The following SPOCK3 variants were observed in gnomAD, a reference collection of about 807,000 sequenced individuals.
SPOCK3 encodes the protein testican-3.
A neutral mutation model predicts 56.6 loss-of-function variants in SPOCK3; 30 were observed. The ratio of observed to expected loss-of-function variants is 0.53; its 90% confidence interval spans 0.40 to 0.72. The LOEUF (loss-of-function observed/expected upper bound fraction) is 0.72, where lower values mean the gene tolerates loss of function less well. SPOCK3 is among the 30% of genes least tolerant of loss of function. SPOCK3 has a pLI of 0.00. For missense variants in SPOCK3, 527 were observed against 530.0 expected (o/e 0.99, Z 0.06); for synonymous variants, 196 against 183.3 (o/e 1.07, Z -0.56).
At chr4:167,071,625 T>C (rs1198710358) in intron 2 of SPOCK3, among the ~76,000 whole-genome samples, 1 of 128,914 alleles carries the variant, frequency 7.8e-6, no homozygotes, top group Non-Finnish European at 1.7e-5. Context: ...CACATTTTCT[T>C]AATCCAGTTG....
Position 166,741,977 on chromosome 4 carries a change from A to G in SPOCK3, c.994+20T>C. The G allele has an allele frequency of 6.4e-7, 1 of 1,570,304 alleles. No individual in the cohort carries two copies. The highest frequency in any genetic ancestry group is 8.8e-7 in the Non-Finnish European group (1 of 1,141,710). ...TTTATGTAAGCAATAAAGCCTTCAG[A>G]AGAATGATCTATTACTCACCTAGGA... is the stretch of plus-strand genomic sequence containing the variant. On this transcript the variant is annotated intron_variant, in intron 9 of 10. Coordinates refer to ENST00000357545, the MANE Select transcript of SPOCK3 (RefSeq NM_001040159.2).
chr4:166,881,790 A>G (rs1283104643), intron 6 of SPOCK3, among the ~76,000 whole-genome samples: 1 of 152,140 alleles, frequency 6.6e-6, no homozygotes, highest in Non-Finnish European at 1.5e-5. Context: ...GTGTGATGCT[A>G]AACTTCAAAT....
intron 4 of SPOCK3, among the ~76,000 whole-genome samples, chr4:166,914,519 C>G (rs928101491): frequency 1.3e-5 from 2 of 151,966 alleles, no homozygotes; most frequent in African/African-American, 4.8e-5. Flanking sequence ...GCCTGTAATC[C>G]CAGTGCTGTG....
intron 2 of SPOCK3, among the ~76,000 whole-genome samples, chr4:167,156,513 C>G (rs1764831333): frequency 6.6e-6 from 1 of 152,032 alleles, no homozygotes; most frequent in South Asian, 2.1e-4. Flanking sequence ...TTTTGTAGTT[C>G]AGGCATGTGA....
rs146787332 is a variant in SPOCK3 at position 166,781,509 on chromosome 4, T to G, written c.709+10661A>C. Among the ~76,000 whole-genome samples the G allele has an allele frequency of 3.3e-5, 5 of 152,062 alleles. No individual in the cohort carries two copies. The South Asian group carries it at 1.0e-3, about 32-fold the overall frequency. ...GGAGTAGGAGGAAAACAGAACTTAATAGAGCTGTGGTTATTATCAAACAAT... is the reference window on the plus strand; with the variant it reads ...GGAGTAGGAGGAAAACAGAACTTAAGAGAGCTGTGGTTATTATCAAACAAT... On this transcript the variant is annotated intron_variant, in intron 7 of 10. Transcript: ENST00000357545.
At chr4:166,845,408 A>G (rs1343639810) in intron 6 of SPOCK3, among the ~76,000 whole-genome samples, 3 of 152,222 alleles carry the variant, frequency 2.0e-5, no homozygotes. Flanking sequence ...GTACAAAAAA[A>G]CTACAAATCT....
At chr4:166,916,151 A>G (rs1429054577) in intron 4 of SPOCK3, among the ~76,000 whole-genome samples, 1 of 152,132 alleles carries the variant, frequency 6.6e-6, no homozygotes, top group Non-Finnish European at 1.5e-5. Flanking sequence ...AGCAAATTGA[A>G]TAACATATAA....
intron 2 of SPOCK3, among the ~76,000 whole-genome samples, chr4:167,114,872 T>C (rs891148196): frequency 6.6e-6 from 1 of 151,396 alleles, no homozygotes; most frequent in Non-Finnish European, 1.5e-5. Flanking sequence ...ATACTAAGAC[T>C]CCAGCATTCA....
intron 4 of SPOCK3, among the ~76,000 whole-genome samples, chr4:166,952,888 A>G (rs1742856888): frequency 6.6e-6 from 1 of 151,742 alleles, no homozygotes; most frequent in Non-Finnish European, 1.5e-5. Context: ...CATATGTAGA[A>G]GGCTGAAACT....
chr4:166,920,675 C>T (rs1270117048), intron 4 of SPOCK3, among the ~76,000 whole-genome samples: 1 of 152,070 alleles, frequency 6.6e-6, no homozygotes, highest in East Asian at 1.9e-4. Context: ...GACAGATATG[C>T]AGCTTAAAGC....
intron 6 of SPOCK3, among the ~76,000 whole-genome samples, chr4:166,820,814 C>A (rs191258158): frequency 8.1e-4 from 123 of 151,846 alleles, no homozygotes; most frequent in African/African-American, 2.8e-3. Flanking sequence ...TAAGACCCGT[C>A]TCAAAATTTT....
intron 4 of SPOCK3, among the ~76,000 whole-genome samples, chr4:166,950,572 G>T (rs1244616269): frequency 6.6e-6 from 1 of 151,722 alleles, no homozygotes; most frequent in African/African-American, 2.4e-5. Context: ...ACTCAGCTCT[G>T]CACCAAGAGG....
intron 2 of SPOCK3, among the ~76,000 whole-genome samples, chr4:167,209,472 T>C (rs1310800193): frequency 6.6e-6 from 1 of 152,128 alleles, no homozygotes; most frequent in Non-Finnish European, 1.5e-5. Flanking sequence ...TGATATGGTA[T>C]GGAAATGAAT....
chr4:166,739,630 C>G (rs1009654520), intron 9 of SPOCK3, among the ~76,000 whole-genome samples: 1 of 151,748 alleles, frequency 6.6e-6, no homozygotes, highest in Non-Finnish European at 1.5e-5. Context: ...AAAGTGAAGT[C>G]GTGTTTTTTA....
At chr4:166,824,430 C>G (rs1745246393) in intron 6 of SPOCK3, among the ~76,000 whole-genome samples, 1 of 152,040 alleles carries the variant, frequency 6.6e-6, no homozygotes, top group Non-Finnish European at 1.5e-5. Flanking sequence ...TATTTCTTCT[C>G]TCTCTAGTAT....
chr4:167,227,585 G>T (rs1187254802), intron 2 of SPOCK3, among the ~76,000 whole-genome samples: 1 of 152,016 alleles, frequency 6.6e-6, no homozygotes, highest in East Asian at 1.9e-4. Flanking sequence ...CTAATGGGGT[G>T]TCCAAATCTG....
At chr4:166,794,908 G>C (rs1411391870) in intron 6 of SPOCK3, among the ~76,000 whole-genome samples, 7 of 152,024 alleles carry the variant, frequency 4.6e-5, no homozygotes, top group Non-Finnish European at 1.0e-4. Context: ...CTCCCAAAGT[G>C]CTGGAATTAA....
chr4:166,825,624 A>G (rs1387492515), intron 6 of SPOCK3, among the ~76,000 whole-genome samples: 3 of 152,096 alleles, frequency 2.0e-5, no homozygotes, highest in Non-Finnish European at 4.4e-5. Context: ...TTGCAAAAAC[A>G]TGGAACCAGT....
intron 4 of SPOCK3, among the ~76,000 whole-genome samples, chr4:166,959,194 T>C (rs1743852731): frequency 6.6e-6 from 1 of 151,920 alleles, no homozygotes; most frequent in South Asian, 2.1e-4. Flanking sequence ...AGCAAAAAAA[T>C]AGGAAAGGAA....
Sources: gnomAD v4.1 joint callset for allele counts (sites outside exome capture counted in the v4.1 genomes callset) on GRCh38, gnomAD v4.1.1 for gene constraint, MANE v1.5 for transcripts, NCBI Gene and HGNC (gene_info 2026-07-23, HGNC 2026-07-21) for gene names.